MAP1A: variants seen among roughly 807,000 people sequenced by gnomAD.
MAP1A encodes the protein microtubule-associated protein 1A.
In MAP1A, 42 loss-of-function variants were observed where a neutral mutation model predicts 185.9. That is an observed-to-expected ratio of 0.23 (90% CI 0.18 to 0.29). MAP1A has a LOEUF of 0.29. Ranked by LOEUF, MAP1A falls within the 10% of genes least tolerant of loss-of-function variation. MAP1A has a pLI of 1.00. For missense variants in MAP1A, 2,995 were observed against 3,450.4 expected, an observed-to-expected ratio of 0.87 and a Z score of 3.31; for synonymous variants, 1,229 against 1,335.9, an observed-to-expected ratio of 0.92 and a Z score of 1.74.
In MAP1A at chr15:43,530,177, G is replaced by A. The variant is rs1247418696; in HGVS notation, c.8365G>A (p.Val2789Met). The A allele has an allele frequency of 6.2e-7, 1 of 1,614,076 alleles. No individual in the cohort carries two copies. Among genetic ancestry groups the A allele is most frequent in the Non-Finnish European group, 8.5e-7 (1 of 1,180,024 alleles). Reference protein sequence around the residue: ...NVLVLASSSTVVMQDESFPAC... With the variant: ...NVLVLASSSTMVMQDESFPAC... ...CCTGGTCCTGGCTAGCAGCAGCACCGTGGTGATGCAGGATGAGTCCTTCCC... is the reference window on the plus strand; with the variant it reads ...CCTGGTCCTGGCTAGCAGCAGCACCATGGTGATGCAGGATGAGTCCTTCCC... Residue 2789 changes from valine to methionine, a missense_variant, in exon 6 of 6, where the codon GTG becomes ATG. By Grantham distance (21) the Val-to-Met change is conservative (BLOSUM62 1). Transcript: ENST00000300231.
rs1189532442 is a variant in MAP1A at position 43,522,216 on chromosome 15, C to T, written c.743C>T (p.Thr248Ile). ...TCCGTGCCCTACCTTACCTCTATCA[C>T]TGCTCTGGTGGTCTGGCTACCAGCC... The part of the protein sequence containing the change: ...EISVPYLTSI[T>I]ALVVWLPANP... Residue 248 changes from threonine to isoleucine, a missense_variant, in exon 4 of 6, where the codon ACT (threonine) becomes ATT (isoleucine). Thr to Ile is a moderately conservative substitution (Grantham distance 89). Around this residue, in one of 3 missense-constraint regions of MAP1A, gnomAD observed 264 missense variants for 435.3 expected, o/e 0.61. Coordinates refer to ENST00000300231, the MANE Select transcript of MAP1A (RefSeq NM_002373.6). This position sits in a 1 kb window ranked among gnomAD's most constrained non-coding sequence, Gnocchi z 5.9. 6.2e-7 allele frequency: 1 copy of T among 1,614,264 alleles called. No homozygotes were observed. Among genetic ancestry groups the T allele is most frequent in the East Asian group, 2.2e-5 (1 of 44,882 alleles).
exon 1 of MAP1A, chr15:43,511,125 C>T (rs2140198097): frequency 6.4e-7 from 1 of 1,550,402 alleles, no homozygotes. Flanking sequence ...GCCGCGGTGG[C>T]GGCTGCACGC....
chr15:43,528,296 T>G lies in MAP1A; in HGVS notation c.6823T>G (p.Phe2275Val). 6.2e-7 allele frequency: 1 copy of G among 1,614,080 alleles called. No individual in the cohort carries two copies. The highest frequency in any genetic ancestry group is 1.3e-5 in the African/African-American group (1 of 75,046). ...TPVISSVAER[F>V]SPSLEAAEQE... Reference sequence around the variant, plus strand: ...TGTGATTTCAAGTGTGGCGGAGCGCTTCTCTCCAAGCCTTGAGGCTGCAGA... The same window carrying G: ...TGTGATTTCAAGTGTGGCGGAGCGCGTCTCTCCAAGCCTTGAGGCTGCAGA... Residue 2275 changes from phenylalanine (F) to valine (V), a missense_variant, in exon 4 of 6, where the codon TTC (phenylalanine) becomes GTC (valine). By Grantham distance (50) the Phe-to-Val change is conservative. Coordinates refer to ENST00000300231, the MANE Select transcript of MAP1A (RefSeq NM_002373.6).
In MAP1A at chr15:43,526,833, A is replaced by G; in HGVS notation, c.5360A>G (p.Lys1787Arg). The G allele has an allele frequency of 6.2e-7, 1 of 1,614,052 alleles. No homozygotes were observed. The highest frequency in any genetic ancestry group is 1.1e-5 in the South Asian group (1 of 91,078). Residue 1787 changes from lysine (K) to arginine (R), a missense_variant, in exon 4 of 6, where the codon AAA becomes AGA. Lys to Arg is a conservative substitution (Grantham distance 26). Coordinates refer to ENST00000300231, the MANE Select transcript of MAP1A (RefSeq NM_002373.6). The surrounding 1 kb of genome is among the most constrained non-coding windows in gnomAD (Gnocchi z 4.7). ...GGGTTGCCACCAGAGGAAGAGGACA[A>G]ACTGACCCGCTCTCCCTTTGAGATC... ...PVGLPPEEEDKLTRSPFEIIS... is the reference protein window; with the variant it reads ...PVGLPPEEEDRLTRSPFEIIS...
upstream of MAP1A, among the ~76,000 whole-genome samples, chr15:43,516,349 G>A (rs183157407): frequency 3.3e-5 from 5 of 152,264 alleles, 1 homozygote; most frequent in Admixed American, 1.3e-4. Context: ...TGCAATTAAG[G>A]GGGGATGGGG....
In MAP1A at chr15:43,524,679, G is replaced by A. The variant is rs2079334787; in HGVS notation, c.3206G>A (p.Ser1069Asn). Residue 1069 changes from serine (S) to asparagine (N), a missense_variant, in exon 4 of 6, where the codon AGC (serine) becomes AAC (asparagine). Around this residue, in one of 3 missense-constraint regions of MAP1A, gnomAD observed 2,728 missense variants for 2,986.0 expected, o/e 0.91. Coordinates refer to ENST00000300231, the MANE Select transcript of MAP1A (RefSeq NM_002373.6). ...EKEEKVPPPR[S>N]PQAQEAPVNI... is the part of the protein sequence containing the mutation. ...GAAGAGAAAGTTCCTCCTCCCAGGAGCCCCCAGGCCCAGGAAGCACCTGTC... is the reference window on the plus strand; with the variant it reads ...GAAGAGAAAGTTCCTCCTCCCAGGAACCCCCAGGCCCAGGAAGCACCTGTC... 1.9e-6 allele frequency: 3 copies of A among 1,614,038 alleles called. No individual in the cohort carries two copies. The highest frequency in any genetic ancestry group is 2.5e-6 in the Non-Finnish European group (3 of 1,180,018).
Position 43,521,562 on chromosome 15 carries a change from G to A in MAP1A, c.89G>A (p.Gly30Glu). 1 of 1,614,092 alleles carries A rather than the reference G, an allele frequency of 6.2e-7. No homozygotes were observed. The highest frequency in any genetic ancestry group is 8.5e-7 in the Non-Finnish European group (1 of 1,180,014). The change falls in exon 4 of 6, where the codon GGG becomes GAG. Residue 30 changes from glycine (G) to glutamate (E), a missense_variant. By Grantham distance (98) the Gly-to-Glu change is moderately conservative (BLOSUM62 -2). This residue lies in a region of MAP1A where 264 missense variants were observed against 435.3 expected (regional missense o/e 0.61). Coordinates refer to ENST00000300231, the MANE Select transcript of MAP1A (RefSeq NM_002373.6). The surrounding 1 kb of genome is among the most constrained non-coding windows in gnomAD (Gnocchi z 4.6). ...PFDLLEPPTS[G>E]GFLKLSKPCC... ...GACCTACTAGAGCCCCCCACCTCAG[G>A]GGGCTTCCTCAAGCTCTCCAAGCCT...
chr15:43,528,456 T>C lies in MAP1A; in HGVS notation c.6983T>C (p.Met2328Thr). 6.2e-7 allele frequency: 1 copy of C among 1,613,458 alleles called. No homozygotes were observed. The highest frequency in any genetic ancestry group is 1.6e-4 in the Middle Eastern group (1 of 6,062). ...LAPAPSLPGD[M>T]GDGILPCHLE... is the part of the protein sequence containing the mutation. ...CCAGCTCCAAGCCTGCCTGGAGACA[T>C]GGGTGATGGCATCCTGCCGTGCCAC... The change falls in exon 4 of 6, where the codon ATG becomes ACG. Residue 2328 changes from methionine to threonine, a missense_variant. Met to Thr is a moderately conservative substitution (Grantham distance 81). Transcript: ENST00000300231.
At chr15:43,516,107 A>C (rs1031146618), upstream of MAP1A, among the ~76,000 whole-genome samples, 3 of 152,200 alleles carry the variant, frequency 2.0e-5, no homozygotes, top group Non-Finnish European at 2.9e-5. Flanking sequence ...AGAAGGCTTG[A>C]GGTGGGAGGA....
intron 2 of MAP1A, 98 bp from the exon 3 acceptor site, chr15:43,520,874 A>T (rs989585380): frequency 5.9e-6 from 8 of 1,352,438 alleles, no homozygotes; most frequent in Non-Finnish European, 8.2e-6. Context: ...GTTATGAGGG[A>T]CATAAGTTGG....
chr15:43,528,641 C>G lies in MAP1A; in HGVS notation c.7168C>G (p.Arg2390Gly). 1 of 1,613,262 alleles carries G rather than the reference C, an allele frequency of 6.2e-7. No individual in the cohort carries two copies. The highest frequency in any genetic ancestry group is 8.5e-7 in the Non-Finnish European group (1 of 1,179,826). ...GGCTGCGGCTTGCCCTGCCTGGGAA[C>G]GTGGGGCCTGGCCTGAAGGAGCTGA... Reference protein sequence around the residue: ...EEAAACPAWERGAWPEGAERS... With the variant: ...EEAAACPAWEGGAWPEGAERS... Residue 2390 changes from arginine (R) to glycine (G), a missense_variant, in exon 4 of 6, where the codon CGT becomes GGT. Arg to Gly is a moderately radical substitution (Grantham distance 125, BLOSUM62 -2). Around this residue, in one of 3 missense-constraint regions of MAP1A, gnomAD observed 2,728 missense variants for 2,986.0 expected, o/e 0.91. Coordinates refer to ENST00000300231, the MANE Select transcript of MAP1A (RefSeq NM_002373.6).
At position 43,527,401 on chromosome 15, in the gene MAP1A, T is replaced by C; in HGVS notation, c.5928T>C (p.Leu1976=). ...CAGACATCTATGAGCAGATGATGCT[T>C]ACTGGGCTTGGCCCTGCATGCCCCA... ...QYADIYEQMM[L]TGLGPACPTR... is the part of the protein sequence containing the mutation. The change falls in exon 4 of 6, where the codon CTT becomes CTC. Residue 1976 remains leucine, a synonymous_variant. Coordinates refer to ENST00000300231, the MANE Select transcript of MAP1A (RefSeq NM_002373.6). 1 of 1,614,194 alleles carries C rather than the reference T, an allele frequency of 6.2e-7. No homozygotes were observed. Among genetic ancestry groups the C allele is most frequent in the Non-Finnish European group, 8.5e-7 (1 of 1,180,008 alleles).
Position 43,528,123 on chromosome 15 carries a change from A to T in MAP1A, c.6650A>T (p.Tyr2217Phe), listed in dbSNP as rs1392964952. ...CCCACCAGAACCCGGCATGATGAATACCTGGAAGTGACCAAGGCCCCCAGC... is the reference window on the plus strand; with the variant it reads ...CCCACCAGAACCCGGCATGATGAATTCCTGGAAGTGACCAAGGCCCCCAGC... ...GPPTRTRHDE[Y>F]LEVTKAPSLD... The change falls in exon 4 of 6, where the codon TAC becomes TTC. Residue 2217 changes from tyrosine to phenylalanine, a missense_variant. By Grantham distance (22) the Tyr-to-Phe change is conservative. Transcript: ENST00000300231. The T allele has an allele frequency of 1.9e-6, 3 of 1,613,832 alleles. No individual in the cohort carries two copies. Among genetic ancestry groups the T allele is most frequent in the Non-Finnish European group, 2.5e-6 (3 of 1,179,966 alleles).
chr15:43,528,668 A>G lies in MAP1A; in HGVS notation c.7195A>G (p.Arg2399Gly). 1 of 1,613,556 alleles carries G rather than the reference A, an allele frequency of 6.2e-7. No homozygotes were observed. The highest frequency in any genetic ancestry group is 1.1e-5 in the South Asian group (1 of 91,038). Residue 2399 changes from arginine (R) to glycine (G), a missense_variant, in exon 4 of 6, where the codon AGG becomes GGG. This residue lies in a region of MAP1A where 2,728 missense variants were observed against 2,986.0 expected (regional missense o/e 0.91). Transcript: ENST00000300231. ...TGGGGCCTGGCCTGAAGGAGCTGAG[A>G]GGAGCTCCCGGCCTGACACATTGCT... ...ERGAWPEGAE[R>G]SSRPDTLLSP...
chr15:43,525,249 A>G lies in MAP1A; in HGVS notation c.3776A>G (p.His1259Arg), dbSNP rs1450246924. Residue 1259 changes from histidine (H) to arginine (R), a missense_variant, in exon 4 of 6, where the codon CAT (histidine) becomes CGT (arginine). His to Arg is a conservative substitution (Grantham distance 29). Coordinates refer to ENST00000300231, the MANE Select transcript of MAP1A (RefSeq NM_002373.6). ...HTAPMSVPEP[H>R]AATASPPTDG... Reference sequence around the variant, plus strand: ...GCTCCCATGTCTGTTCCAGAGCCCCATGCAGCCACAGCGTCACCTCCCACA... The same window carrying G: ...GCTCCCATGTCTGTTCCAGAGCCCCGTGCAGCCACAGCGTCACCTCCCACA... 6.2e-7 allele frequency: 1 copy of G among 1,614,184 alleles called. No individual in the cohort carries two copies. The highest frequency in any genetic ancestry group is 2.2e-5 in the East Asian group (1 of 44,892).
At chr15:43,512,358 G>A (rs1361093645) in intron 2 of MAP1A, 4 of 1,177,232 alleles carry the variant, frequency 3.4e-6, no homozygotes, top group African/African-American at 3.1e-5. Flanking sequence ...GTCTCCCTGG[G>A]AGAAGTGGCC....
At position 43,529,760 on chromosome 15, in the gene MAP1A, C is replaced by T. The variant is rs192069879; in HGVS notation, c.8146C>T (p.Arg2716Cys). 9.6e-5 allele frequency: 155 copies of T among 1,614,142 alleles called. No homozygotes were observed. Among genetic ancestry groups the T allele is most frequent in the Middle Eastern group, 1.7e-4 (1 of 6,060 alleles). Reference sequence around the variant, plus strand: ...TGACCTTGACTTCTTCCGTCGAGTGCGTGCATCCTACTATGTGGTCAGTGG... The same window carrying T: ...TGACCTTGACTTCTTCCGTCGAGTGTGTGCATCCTACTATGTGGTCAGTGG... ...TADLDFFRRV[R>C]ASYYVVSGND... The change falls in exon 5 of 6, where the codon CGT becomes TGT. Residue 2716 changes from arginine to cysteine, a missense_variant. By Grantham distance (180) the Arg-to-Cys change is radical. Coordinates refer to ENST00000300231, the MANE Select transcript of MAP1A (RefSeq NM_002373.6). This position sits in a 1 kb window ranked among gnomAD's most constrained non-coding sequence, Gnocchi z 4.3.
At chr15:43,514,650 G>A (rs1446380494), upstream of MAP1A, among the ~76,000 whole-genome samples, 1 of 152,062 alleles carries the variant, frequency 6.6e-6, no homozygotes, top group Non-Finnish European at 1.5e-5. Context: ...AGAAAAGAAG[G>A]GACCCTCTGA....
At chr15:43,520,333 G>A (rs1353189007) in intron 1 of MAP1A, among the ~76,000 whole-genome samples, 1 of 152,286 alleles carries the variant, frequency 6.6e-6, no homozygotes, top group African/African-American at 2.4e-5. Context: ...AAGGACAAAA[G>A]CTTCTTGTCA....
Sources: allele counts gnomAD v4.1 joint callset (sites outside exome capture counted in the v4.1 genomes callset), GRCh38; gene constraint gnomAD v4.1.1; regional missense constraint gnomAD v4.1.1; non-coding constraint Gnocchi (gnomAD v3.1); transcripts MANE v1.5; gene names NCBI Gene and HGNC (gene_info 2026-07-23, HGNC 2026-07-21).